Variants in GULP1 observed in about 807,000 individuals in gnomAD.
GULP1 encodes the protein GULP PTB domain containing engulfment adaptor 1.
GULP1 carries 19 observed loss-of-function variants against 40.9 expected under a neutral mutation model. That is an observed-to-expected ratio of 0.46 (90% CI 0.32 to 0.68). The LOEUF (loss-of-function observed/expected upper bound fraction) is 0.68, where lower values mean the gene tolerates loss of function less well. Ranked by LOEUF, GULP1 falls within the 30% of genes least tolerant of loss-of-function variation. GULP1 has a pLI of 0.03. For missense variants in GULP1, 312 were observed against 362.2 expected, an observed-to-expected ratio of 0.86 and a Z score of 1.12; for synonymous variants, 119 against 117.6, an observed-to-expected ratio of 1.01 and a Z score of -0.08.
intron 1 of GULP1, among the ~76,000 whole-genome samples, chr2:188,306,779 A>T (rs2037165875): frequency 6.6e-6 from 1 of 152,240 alleles, no homozygotes; most frequent in African/African-American, 2.4e-5. Context: ...AGTTGGTGAC[A>T]AAATGTCATC....
intron 5 of GULP1, among the ~76,000 whole-genome samples, chr2:188,523,493 A>ATT (rs1685364747): frequency 6.6e-6 from 1 of 152,196 alleles, no homozygotes; most frequent in South Asian, 2.1e-4. Context: ...AGCTTTTGAA[A>ATT]TTTACAAAAC....
intron 2 of GULP1, among the ~76,000 whole-genome samples, chr2:188,426,554 A>T (rs940575476): frequency 2.6e-4 from 39 of 152,298 alleles, no homozygotes; most frequent in African/African-American, 9.1e-4. Flanking sequence ...GGGGTAAAAT[A>T]CCTTTATTTC....
At chr2:188,541,880 C>A in intron 7 of GULP1, 1 of 157,052 alleles carries the variant, frequency 6.4e-6, no homozygotes, top group Admixed American at 6.4e-5. Flanking sequence ...GAGGCCGAGG[C>A]GGGCAGATCA....
In GULP1 at chr2:188,584,199, T is replaced by C. The variant is rs1445517860; in HGVS notation, c.610-66T>C. 4.7e-6 allele frequency: 5 copies of C among 1,067,532 alleles called. No individual in the cohort carries two copies. The African/African-American group carries it at 7.9e-5, about 17-fold the overall frequency. 66.1% of individuals were successfully genotyped at this position (1,067,532 alleles called of 1,614,324 possible). The stretch of plus-strand genomic sequence containing the variant: ...TGTTTACATATATTTTATATGCATA[T>C]GAAATATTTAGCATTACAATGTGTC... On this transcript the variant is annotated intron_variant, in intron 9 of 11. Transcript: ENST00000409830.
At chr2:188,351,102 G>C (rs2044387013) in intron 1 of GULP1, among the ~76,000 whole-genome samples, 1 of 152,066 alleles carries the variant, frequency 6.6e-6, no homozygotes, top group Non-Finnish European at 1.5e-5. Context: ...GTTGGAATTT[G>C]ACAATTAGCT....
chr2:188,389,528 T>A (rs763682246), intron 2 of GULP1, among the ~76,000 whole-genome samples: 38 of 152,238 alleles, frequency 2.5e-4, no homozygotes, highest in South Asian at 6.2e-4. Flanking sequence ...GTATTATGAG[T>A]CTTAGTGTAA....
rs1704202472 is a variant in GULP1 at position 188,594,854 on chromosome 2, T to C, written c.*843T>C. 1 of 151,764 alleles carries C rather than the reference T, an allele frequency of 6.6e-6. No homozygotes were observed. Among genetic ancestry groups the C allele is most frequent in the African/African-American group, 2.4e-5 (1 of 41,412 alleles). The allele number at this position is 151,764 out of a possible 1,614,324, so 9.4% of individuals were successfully genotyped here. On this transcript the variant is annotated 3_prime_UTR_variant, in exon 12 of 12. Transcript: ENST00000409830. ...TCAGTATCTACTACCCATATTTACT[T>C]TACCAAATATATTTCTCCTCACTGC...
At chr2:188,366,000 A>G (rs1414260379) in intron 1 of GULP1, among the ~76,000 whole-genome samples, 2 of 152,120 alleles carry the variant, frequency 1.3e-5, no homozygotes, top group African/African-American at 2.4e-5. Context: ...GGGAACAACA[A>G]TGTCCAGCAG....
chr2:188,476,929 A>G (rs985439603), intron 2 of GULP1, among the ~76,000 whole-genome samples: 2 of 152,128 alleles, frequency 1.3e-5, no homozygotes, highest in African/African-American at 4.8e-5. Flanking sequence ...CATTAAATAT[A>G]TAAAATGGAA....
intron 1 of GULP1, among the ~76,000 whole-genome samples, chr2:188,372,911 T>C (rs1331257212): frequency 6.9e-6 from 1 of 145,480 alleles, no homozygotes; most frequent in South Asian, 2.1e-4. Context: ...ATTTTTAAAG[T>C]TTTGTTAGGA....
At chr2:188,497,270 A>G (rs2062988706) in intron 4 of GULP1, among the ~76,000 whole-genome samples, 1 of 152,018 alleles carries the variant, frequency 6.6e-6, no homozygotes, top group South Asian at 2.1e-4. Context: ...TTTATTTAGT[A>G]AATTTCATAA....
chr2:188,586,297 G>A (rs377404079), intron 10 of GULP1, among the ~76,000 whole-genome samples: 3 of 152,096 alleles, frequency 2.0e-5, no homozygotes, highest in South Asian at 2.1e-4. Flanking sequence ...TTGTCATTTC[G>A]TTTACTAAAT....
chr2:188,361,701 C>T (rs546876254), intron 1 of GULP1, among the ~76,000 whole-genome samples: 30 of 152,050 alleles, frequency 2.0e-4, no homozygotes, highest in African/African-American at 7.0e-4. Context: ...ACTTTGTTGG[C>T]GGAAAATTGA....
intron 2 of GULP1, among the ~76,000 whole-genome samples, chr2:188,424,376 C>T (rs2055863921): frequency 6.6e-6 from 1 of 151,802 alleles, no homozygotes; most frequent in South Asian, 2.1e-4. Context: ...AACGAGGCCT[C>T]ATGTATCTAC....
chr2:188,591,279 A>G (rs1301892247), intron 11 of GULP1: 3 of 152,130 alleles, frequency 2.0e-5, no homozygotes, highest in Admixed American at 2.0e-4. Flanking sequence ...TAATCAATCA[A>G]TACAACTGAA....
At chr2:188,416,940 A>G (rs879617179) in intron 2 of GULP1, among the ~76,000 whole-genome samples, 40 of 152,214 alleles carry the variant, frequency 2.6e-4, no homozygotes, top group Admixed American at 3.9e-4. Context: ...AGTTTTTGAA[A>G]AAGTATTGTA....
At chr2:188,453,134 C>T (rs115230474) in intron 2 of GULP1, among the ~76,000 whole-genome samples, 2,727 of 152,060 alleles carry the variant, frequency 0.018, 27 homozygotes, top group Non-Finnish European at 0.029. Context: ...TATGGAATTA[C>T]TCACTTTTGT....
intron 2 of GULP1, among the ~76,000 whole-genome samples, chr2:188,435,613 T>C (rs2057335061): frequency 6.6e-6 from 1 of 152,074 alleles, no homozygotes; most frequent in African/African-American, 2.4e-5. Context: ...TTACCATACC[T>C]GTGTCCTTGG....
intron 1 of GULP1, among the ~76,000 whole-genome samples, chr2:188,359,975 T>G (rs931053375): frequency 6.6e-6 from 1 of 152,102 alleles, no homozygotes; most frequent in African/African-American, 2.4e-5. Flanking sequence ...GTAGAGGTTT[T>G]CAGTGTTTGT....
Sources: allele counts gnomAD v4.1 joint callset (sites outside exome capture counted in the v4.1 genomes callset), GRCh38; gene constraint gnomAD v4.1.1; transcripts MANE v1.5; gene names NCBI Gene and HGNC (gene_info 2026-07-23, HGNC 2026-07-21).